Variants in ZNF90 observed in about 807,000 individuals in gnomAD.
ZNF90 encodes zinc finger protein HTF9.
A neutral mutation model predicts 12.0 loss-of-function variants in ZNF90; 11 were observed. The ratio of observed to expected loss-of-function variants is 0.92; its 90% CI spans 0.58 to 1.52. The LOEUF (loss-of-function observed/expected upper bound fraction) is 1.52, where lower values mean the gene tolerates loss of function less well. ZNF90 is among the 40% of genes most tolerant of loss of function. The probability of loss-of-function intolerance (pLI) is 0.00; values close to 1 mark genes in which losing one functional copy is unlikely to be tolerated. For synonymous variants in ZNF90, 232 were observed against 240.1 expected (o/e 0.97, Z 0.31); for missense variants, 765 against 711.5 (o/e 1.08, Z -0.86).
intron 1 of ZNF90, among the ~76,000 whole-genome samples, chr19:20,094,108 T>C (rs2088923951): frequency 6.6e-6 from 1 of 152,222 alleles, no homozygotes; most frequent in Admixed American, 6.5e-5. Flanking sequence ...GAGGAAGTCT[T>C]GTAGGAATGC....
chr19:20,084,147 A>G (rs570883479), intron 1 of ZNF90, among the ~76,000 whole-genome samples: 1 of 151,290 alleles, frequency 6.6e-6, no homozygotes, highest in Admixed American at 6.6e-5. Flanking sequence ...TCCACCTCCC[A>G]GGTTCAAGCA....
intron 1 of ZNF90, among the ~76,000 whole-genome samples, chr19:20,103,251 G>T (rs868996275): frequency 1.3e-5 from 2 of 152,200 alleles, no homozygotes; most frequent in African/African-American, 4.8e-5. Context: ...ATCTACAGCT[G>T]TGAAGGTTTA....
At chr19:20,100,606 A>G (rs1433222741) in intron 1 of ZNF90, among the ~76,000 whole-genome samples, 1 of 152,082 alleles carries the variant, frequency 6.6e-6, no homozygotes, top group Non-Finnish European at 1.5e-5. Flanking sequence ...CATGACCCCT[A>G]CTACACCGCA....
At position 20,095,006 on chromosome 19, in the gene ZNF90, G is replaced by C. The variant is rs571287214; in HGVS notation, c.4-9233G>C. Among the ~76,000 whole-genome samples the C allele has an allele frequency of 6.6e-5, 10 of 152,236 alleles. 1 individual carries two copies. In the South Asian group the frequency reaches 2.1e-3, roughly 32 times the overall value. ...GATAGAAGGATTATAGGGTGGAGGA[G>C]TGGAGGCTGAGGAAGAATTGGGACT... On this transcript the variant is annotated intron_variant, in intron 1 of 3. Coordinates refer to ENST00000418063, the MANE Select transcript of ZNF90 (RefSeq NM_007138.2).
chr19:20,110,707 A>C (rs1555705009), intron 3 of ZNF90, among the ~76,000 whole-genome samples: 1 of 152,176 alleles, frequency 6.6e-6, no homozygotes, highest in East Asian at 1.9e-4. Context: ...GTTTTCTAAA[A>C]AATTTATAGT....
rs558955282 is a variant in ZNF90, at chr19:20,114,482, A to G, written c.227-3299A>G. Reference sequence around the variant, plus strand: ...AGCATAACTGATTTATATATCTTATACAATATCTGTCTGTTTGTGGCTGGC... The same window carrying G: ...AGCATAACTGATTTATATATCTTATGCAATATCTGTCTGTTTGTGGCTGGC... On this transcript the variant is annotated intron_variant, in intron 3 of 3. Coordinates refer to ENST00000418063, the MANE Select transcript of ZNF90 (RefSeq NM_007138.2). Among the ~76,000 whole-genome samples the G allele has an allele frequency of 1.6e-4, 24 of 152,312 alleles. 1 individual carries two copies. The South Asian group carries it at 4.8e-3, about 30-fold the overall frequency.
intron 1 of ZNF90, among the ~76,000 whole-genome samples, chr19:20,078,806 A>G (rs1279890509): frequency 6.6e-6 from 1 of 152,032 alleles, no homozygotes; most frequent in Non-Finnish European, 1.5e-5. Context: ...GGGAAAACAA[A>G]AACAGAACTG....
chr19:20,079,937 CTTTTTT>C, intron 1 of ZNF90: 1 of 322,732 alleles, frequency 3.1e-6, no homozygotes, highest in Non-Finnish European at 5.9e-6. Flanking sequence ...CGTATTTCCT[CTTTTTT>C]TTTTTTTTTG....
chr19:20,108,886 G>A (rs1362672621), intron 3 of ZNF90, among the ~76,000 whole-genome samples: 1 of 151,496 alleles, frequency 6.6e-6, no homozygotes, highest in African/African-American at 2.4e-5. Flanking sequence ...CACCACAACT[G>A]GCTAATTTTT....
intron 3 of ZNF90, among the ~76,000 whole-genome samples, chr19:20,108,913 C>T (rs754208284): frequency 1.1e-4 from 17 of 151,228 alleles, no homozygotes; most frequent in Non-Finnish European, 1.2e-4. Flanking sequence ...TTATTAGCAA[C>T]GGTGTTTCAC....
chr19:20,088,977 G>C (rs1312736235), intron 1 of ZNF90, among the ~76,000 whole-genome samples: 4 of 152,212 alleles, frequency 2.6e-5, no homozygotes, highest in African/African-American at 9.7e-5. Context: ...AGGAAGACTA[G>C]TGTACATGTG....
chr19:20,097,534 G>A (rs12459967), intron 1 of ZNF90, among the ~76,000 whole-genome samples: 4,981 of 152,236 alleles, frequency 0.033, 268 homozygotes, highest in East Asian at 0.23. Context: ...CAGAGACCAT[G>A]GGGCCCACAA....
chr19:20,101,008 CTA>C (rs782011023), intron 1 of ZNF90, among the ~76,000 whole-genome samples: 24 of 152,230 alleles, frequency 1.6e-4, no homozygotes, highest in Non-Finnish European at 2.9e-4. Context: ...TGTTTTCACT[CTA>C]TTAAATCTTG....
intron 3 of ZNF90, among the ~76,000 whole-genome samples, chr19:20,116,767 A>T (rs1324281264): frequency 6.6e-6 from 1 of 151,948 alleles, no homozygotes; most frequent in Admixed American, 6.6e-5. Flanking sequence ...TTTTTTTAAT[A>T]ATCAGTAATC....
Position 20,119,429 on chromosome 19 carries a change from T to C in ZNF90, c.*69T>C. On this transcript the variant is annotated 3_prime_UTR_variant, in exon 4 of 4. Transcript: ENST00000418063. ...AGAGAAACCGTATAAATGTGATGAC[T>C]GTTGGAAAGCCTTTGACCACCCCTC... is the stretch of plus-strand genomic sequence containing the variant. 1 of 1,402,430 alleles carries C rather than the reference T, an allele frequency of 7.1e-7. No individual in the cohort carries two copies. 86.9% of individuals were successfully genotyped at this position (1,402,430 alleles called of 1,614,324 possible).
At chr19:20,080,389 C>T (rs1387491809) in intron 1 of ZNF90, 12 of 418,620 alleles carry the variant, frequency 2.9e-5, no homozygotes, top group Non-Finnish European at 5.2e-5. Context: ...TTCTTCTTAC[C>T]TCCCCACAAA....
intron 3 of ZNF90, among the ~76,000 whole-genome samples, chr19:20,111,748 T>C (rs984327111): frequency 2.0e-5 from 3 of 152,212 alleles, no homozygotes; most frequent in Admixed American, 6.5e-5. Context: ...AAGTTAAAAC[T>C]ATATTTTAAT....
Position 20,119,217 on chromosome 19 carries a change from CATAAG to C in ZNF90, c.1669_1673del (p.Ile557SerfsTer10), listed in dbSNP as rs782247682. 21 of 1,613,798 alleles carry C rather than the reference CATAAG, an allele frequency of 1.3e-5. No individual in the cohort carries two copies. The African/African-American group carries it at 1.6e-4, about 12-fold the overall frequency. ...TAAGCGCTCCTCACAGCTTACTAGT[CATAAG>C]ATAAGTCATACTGGAGAGAAACCCT... On this transcript the variant is annotated frameshift_variant, in exon 4 of 4. Transcript: ENST00000418063. LOFTEE classifies it low-confidence loss of function (END_TRUNC).
chr19:20,089,784 C>T (rs145645473), intron 1 of ZNF90, among the ~76,000 whole-genome samples: 2,412 of 151,806 alleles, frequency 0.016, 60 homozygotes, highest in African/African-American at 0.055. Flanking sequence ...TGTAGGGAGA[C>T]GGGGGGTGTT....
Sources: allele counts gnomAD v4.1 joint callset (sites outside exome capture counted in the v4.1 genomes callset), GRCh38; gene constraint gnomAD v4.1.1; transcripts MANE v1.5; gene names NCBI Gene and HGNC (gene_info 2026-07-23, HGNC 2026-07-21).